The following EFHD1 variants were observed in gnomAD, a reference collection of about 807,000 sequenced individuals.
The protein encoded by EFHD1 is EF-hand domain-containing protein D1.
In EFHD1, 10 loss-of-function variants were observed where a neutral mutation model predicts 17.2. The observed-to-expected ratio is 0.58, with a 90% confidence interval of 0.36 to 0.99. The LOEUF (loss-of-function observed/expected upper bound fraction) is 0.99. EFHD1 is among the 50% of genes least tolerant of loss of function. The pLI, the probability that EFHD1 is intolerant of heterozygous loss-of-function variation, is 0.01. For missense variants in EFHD1, 310 were observed against 327.5 expected, an observed-to-expected ratio of 0.95 and a Z score of 0.41; for synonymous variants, 153 against 142.0, an observed-to-expected ratio of 1.08 and a Z score of -0.55.
In EFHD1 at chr2:232,667,525, T is replaced by TTTAA. The variant is rs763407536; in HGVS notation, c.450+4591_450+4594dup. 9.0e-3 allele frequency among the ~76,000 whole-genome samples: 1,364 copies of TTTAA among 150,922 alleles called. 15 individuals are homozygous for TTTAA. Among genetic ancestry groups the TTTAA allele is most frequent in the African/African-American group, 0.03 (1,229 of 40,822 alleles). On this transcript the variant is annotated intron_variant, in intron 2 of 3. Coordinates refer to ENST00000264059, the MANE Select transcript of EFHD1 (RefSeq NM_025202.4). ...GGGTTTTTGAGACATCTTATTTTAT[T>TTTAA]TTAATTAATTAATTAATTTATTTAT...
intron 1 of EFHD1, among the ~76,000 whole-genome samples, chr2:232,655,958 C>T (rs911361126): frequency 6.6e-6 from 1 of 152,172 alleles, no homozygotes; most frequent in Non-Finnish European, 1.5e-5. Flanking sequence ...AGGCGCCTGC[C>T]ACCATGCCCG....
chr2:232,660,917 G>A (rs547161241), intron 1 of EFHD1, among the ~76,000 whole-genome samples: 17 of 152,158 alleles, frequency 1.1e-4, no homozygotes, highest in African/African-American at 3.6e-4. Flanking sequence ...GGCAGAGGTC[G>A]CAGTGAGCCG....
At chr2:232,645,500 C>T (rs1475836783) in intron 1 of EFHD1, among the ~76,000 whole-genome samples, 1 of 152,220 alleles carries the variant, frequency 6.6e-6, no homozygotes, top group East Asian at 1.9e-4. Flanking sequence ...TGACAGCCCT[C>T]ACTCTTTGCC....
At position 232,655,263 on chromosome 2, in the gene EFHD1, T is replaced by A. The variant is rs139766761; in HGVS notation, c.303-7539T>A. ...TTGACCTGCTGGGCTCAAGCAGTCC[T>A]CCTGCCTCAGCCTCTGGAGTAGCTA... On this transcript the variant is annotated intron_variant, in intron 1 of 3. Transcript: ENST00000264059. 2.7e-3 allele frequency among the ~76,000 whole-genome samples: 404 copies of A among 149,652 alleles called. 1 individual carries two copies. The highest frequency in any genetic ancestry group is 9.9e-3 in the African/African-American group (388 of 39,136).
At chr2:232,652,278 T>G (rs1694670167) in intron 1 of EFHD1, among the ~76,000 whole-genome samples, 1 of 152,164 alleles carries the variant, frequency 6.6e-6, no homozygotes, top group South Asian at 2.1e-4. Context: ...GAAACGTGAC[T>G]CCTATCATTT....
intron 1 of EFHD1, among the ~76,000 whole-genome samples, chr2:232,657,665 G>C (rs1483898183): frequency 6.6e-6 from 1 of 151,576 alleles, no homozygotes; most frequent in Non-Finnish European, 1.5e-5. Context: ...CAAAAAATTA[G>C]CCGGCCATGG....
In EFHD1 at chr2:232,662,959, T is replaced by TGCTGTGGCCCTGAGCC; in HGVS notation, c.450+11_450+26dup. 6.4e-7 allele frequency: 1 copy of TGCTGTGGCCCTGAGCC among 1,571,336 alleles called. No individual in the cohort carries two copies. On this transcript the variant is annotated intron_variant, in intron 2 of 3. Coordinates refer to ENST00000264059, the MANE Select transcript of EFHD1 (RefSeq NM_025202.4). ...GCTCAGCTTCCGGGAGGTACCTGCC[T>TGCTGTGGCCCTGAGCC]GCTGTGGCCCTGAGCCCCTGTGGGG... is the stretch of plus-strand genomic sequence containing the variant.
At chr2:232,662,344 T>C (rs1480008729) in intron 1 of EFHD1, among the ~76,000 whole-genome samples, 1 of 152,012 alleles carries the variant, frequency 6.6e-6, no homozygotes, top group Non-Finnish European at 1.5e-5. Flanking sequence ...AGGCGGGCTG[T>C]TGGGAATGGC....
chr2:232,669,790 G>A (rs1417808258), intron 2 of EFHD1, among the ~76,000 whole-genome samples: 1 of 151,950 alleles, frequency 6.6e-6, no homozygotes, highest in Non-Finnish European at 1.5e-5. Context: ...TAGTGGAGAC[G>A]GGGTTTCACC....
chr2:232,625,620 C>A (rs143023687), intron 1 of EFHD1, among the ~76,000 whole-genome samples: 1 of 152,264 alleles, frequency 6.6e-6, no homozygotes, highest in East Asian at 1.9e-4. Context: ...ATGCTACACA[C>A]AGAGAACAGA....
intron 1 of EFHD1, among the ~76,000 whole-genome samples, chr2:232,627,045 T>C (rs1439822210): frequency 2.2e-5 from 2 of 92,652 alleles, no homozygotes; most frequent in African/African-American, 8.9e-5. Context: ...TCTATATATA[T>C]ATATATATAT....
rs149934749 is a variant in EFHD1 at position 232,651,798 on chromosome 2, G to A, written c.303-11004G>A. Among the ~76,000 whole-genome samples, 585 of 151,480 alleles carry A rather than the reference G, an allele frequency of 3.9e-3. 1 individual carries two copies. Among genetic ancestry groups the A allele is most frequent in the African/African-American group, 0.013 (534 of 41,358 alleles). On this transcript the variant is annotated intron_variant, in intron 1 of 3. Transcript: ENST00000264059. ...GATTGCGCCACTGCACTCCAGCCTG[G>A]GCAACAGAGGGAGATTCCATCTCAA... is the stretch of plus-strand genomic sequence containing the variant.
At chr2:232,636,144 A>T (rs1389105561) in intron 1 of EFHD1, among the ~76,000 whole-genome samples, 1 of 152,210 alleles carries the variant, frequency 6.6e-6, no homozygotes, top group African/African-American at 2.4e-5. Context: ...AGCTTAAATT[A>T]ATAACATAAG....
chr2:232,633,093 T>G (rs1453262442), upstream of EFHD1: 1 of 152,216 alleles, frequency 6.6e-6, no homozygotes, highest in African/African-American at 2.4e-5. Flanking sequence ...TTCGTTCCAA[T>G]GAGTGTTTGA....
intron 1 of EFHD1, among the ~76,000 whole-genome samples, chr2:232,656,184 C>T (rs543639193): frequency 4.9e-4 from 74 of 152,210 alleles, no homozygotes; most frequent in African/African-American, 1.6e-3. Flanking sequence ...AGTGTGAGGT[C>T]TGTGTGGAGT....
intron 2 of EFHD1, among the ~76,000 whole-genome samples, chr2:232,669,449 G>T (rs1165714987): frequency 6.6e-6 from 1 of 152,188 alleles, no homozygotes. Flanking sequence ...CGGGGATGCG[G>T]TGGTTGAGCC....
chr2:232,681,286 A>G (rs1161741475), intron 3 of EFHD1, among the ~76,000 whole-genome samples: 1 of 152,246 alleles, frequency 6.6e-6, no homozygotes, highest in African/African-American at 2.4e-5. Context: ...TGGTTAATAA[A>G]CTGGGATGTT....
At chr2:232,680,605 G>A (rs1388876708) in intron 3 of EFHD1, among the ~76,000 whole-genome samples, 1 of 151,948 alleles carries the variant, frequency 6.6e-6, no homozygotes, top group African/African-American at 2.4e-5. Context: ...GACCTCCAAG[G>A]CTCAAGCGAT....
At position 232,607,557 on chromosome 2, in the gene EFHD1, G is replaced by A. The variant is rs544604612; in HGVS notation, c.14+1384G>A. On this transcript the variant is annotated intron_variant, in intron 1 of 3. Transcript: ENST00000409613. The stretch of plus-strand genomic sequence containing the variant: ...TGCACTTAGCCGAGATCGCACCACT[G>A]TACTCCACCCTGGGTAACAGAGCGA... Among the ~76,000 whole-genome samples, 66 of 150,950 alleles carry A rather than the reference G, an allele frequency of 4.4e-4. 1 individual carries two copies. Among genetic ancestry groups the A allele is most frequent in the African/African-American group, 1.5e-3 (63 of 40,974 alleles).
Sources: allele counts gnomAD v4.1 joint callset (sites outside exome capture counted in the v4.1 genomes callset), GRCh38; gene constraint gnomAD v4.1.1; transcripts MANE v1.5; gene names NCBI Gene and HGNC (gene_info 2026-07-23, HGNC 2026-07-21).